ZFPM2: variants seen among roughly 807,000 people sequenced by gnomAD.
ZFPM2 encodes the protein zinc finger protein ZFPM2.
A neutral mutation model predicts 98.6 loss-of-function variants in ZFPM2; 20 were observed. The ratio of observed to expected loss-of-function variants is 0.20; its 90% CI spans 0.14 to 0.29. The LOEUF (loss-of-function observed/expected upper bound fraction) is 0.29, where lower values mean the gene tolerates loss of function less well. Ranked by LOEUF, ZFPM2 falls within the 10% of genes least tolerant of loss-of-function variation. ZFPM2 has a pLI of 1.00. For synonymous variants in ZFPM2, 518 were observed against 502.7 expected, an observed-to-expected ratio of 1.03 and a Z score of -0.41; for missense variants, 1,310 against 1,388.6, an observed-to-expected ratio of 0.94 and a Z score of 0.90.
intron 5 of ZFPM2, among the ~76,000 whole-genome samples, chr8:105,764,339 CTCAAAA>C (rs1812810501): frequency 6.7e-6 from 1 of 149,994 alleles, no homozygotes; most frequent in Non-Finnish European, 1.5e-5. Flanking sequence ...TTTGGAAATA[CTCAAAA>C]TCAAATTATT....
chr8:105,590,756 GCGCA>G (rs1023252592), intron 4 of ZFPM2, among the ~76,000 whole-genome samples: 4 of 143,360 alleles, frequency 2.8e-5, no homozygotes, highest in African/African-American at 1.0e-4. Context: ...GTGCATACGT[GCGCA>G]CGCACACACA....
At chr8:105,330,538 C>CTCTCTATA (rs1554594944) in intron 1 of ZFPM2, among the ~76,000 whole-genome samples, 2 of 100,128 alleles carry the variant, frequency 2.0e-5, no homozygotes, top group African/African-American at 7.9e-5. Context: ...CTCTCTCTCT[C>CTCTCTATA]TATATATATA....
chr8:105,704,576 G>T (rs1442334), intron 5 of ZFPM2, among the ~76,000 whole-genome samples: 13,396 of 152,168 alleles, frequency 0.088, 917 homozygotes, highest in African/African-American at 0.19. Context: ...ATATGTGGGC[G>T]ATTCAAGCTA....
intron 5 of ZFPM2, among the ~76,000 whole-genome samples, chr8:105,765,533 A>AAT: frequency 6.6e-6 from 1 of 151,938 alleles, no homozygotes; most frequent in East Asian, 1.9e-4. Flanking sequence ...TTCTCTAATG[A>AAT]AGCTTGTATG....
chr8:105,500,669 G>A (rs1386060410), intron 3 of ZFPM2, among the ~76,000 whole-genome samples: 3 of 151,996 alleles, frequency 2.0e-5, no homozygotes, highest in Non-Finnish European at 4.4e-5. Context: ...TAGTATTGAA[G>A]AAAATACTAT....
chr8:105,357,137 T>A (rs568359107), intron 1 of ZFPM2, among the ~76,000 whole-genome samples: 1 of 152,270 alleles, frequency 6.6e-6, no homozygotes, highest in Non-Finnish European at 1.5e-5. Context: ...CACACACACG[T>A]GAGTCCCTGC....
chr8:105,643,156 C>A (rs1816978877), intron 5 of ZFPM2, among the ~76,000 whole-genome samples: 1 of 152,108 alleles, frequency 6.6e-6, no homozygotes, highest in Non-Finnish European at 1.5e-5. Flanking sequence ...AGCATAGGTC[C>A]ATCCATTAAC....
chr8:105,654,886 C>T lies in ZFPM2; in HGVS notation c.532+20529C>T, dbSNP rs186218009. Among the ~76,000 whole-genome samples the T allele has an allele frequency of 7.0e-4, 106 of 152,270 alleles. 1 individual carries two copies. Among genetic ancestry groups the T allele is most frequent in the Middle Eastern group, 3.4e-3 (1 of 294 alleles). ...AAAGAAAATCAGAAAATATTTTCTT[C>T]ACCCCATTAAATAAAGTCCTCTGAT... On this transcript the variant is annotated intron_variant, in intron 5 of 7. Transcript: ENST00000407775.
intron 1 of ZFPM2, among the ~76,000 whole-genome samples, chr8:105,370,796 G>C (rs771888733): frequency 6.6e-6 from 1 of 152,234 alleles, no homozygotes; most frequent in Non-Finnish European, 1.5e-5. Context: ...ACAAGGCAGA[G>C]AAAGGTGAAG....
At chr8:105,710,869 C>T (rs752407625) in intron 5 of ZFPM2, among the ~76,000 whole-genome samples, 9 of 152,050 alleles carry the variant, frequency 5.9e-5, no homozygotes, top group Admixed American at 3.3e-4. Flanking sequence ...GTAACTTATT[C>T]GTAAGGTCAT....
intron 5 of ZFPM2, among the ~76,000 whole-genome samples, chr8:105,765,279 T>C (rs1344642412): frequency 6.6e-6 from 1 of 151,816 alleles, no homozygotes; most frequent in Non-Finnish European, 1.5e-5. Flanking sequence ...AGTTTTAATC[T>C]AGTACGTAAA....
intron 3 of ZFPM2, among the ~76,000 whole-genome samples, chr8:105,489,522 G>A (rs1391047734): frequency 1.4e-5 from 2 of 143,330 alleles, no homozygotes; most frequent in Middle Eastern, 4.0e-3. Context: ...AGAGTGCAGT[G>A]GCATGATCTC....
At chr8:105,732,189 A>G (rs1164347710) in intron 5 of ZFPM2, among the ~76,000 whole-genome samples, 4 of 151,770 alleles carry the variant, frequency 2.6e-5, no homozygotes, top group Admixed American at 6.6e-5. Context: ...TCATATTCCT[A>G]TGCATACGTT....
chr8:105,440,948 G>A (rs554360572), intron 2 of ZFPM2, among the ~76,000 whole-genome samples: 8 of 151,906 alleles, frequency 5.3e-5, no homozygotes, highest in African/African-American at 1.4e-4. Flanking sequence ...TCAAGAGATC[G>A]CGACCATCCT....
intron 5 of ZFPM2, among the ~76,000 whole-genome samples, chr8:105,639,934 A>G (rs1816919538): frequency 6.6e-6 from 1 of 152,010 alleles, no homozygotes; most frequent in Non-Finnish European, 1.5e-5. Flanking sequence ...CTTTTATTTT[A>G]GTGAAAGTCT....
chr8:105,563,757 G>A (rs1223665522), intron 4 of ZFPM2, among the ~76,000 whole-genome samples: 2 of 152,040 alleles, frequency 1.3e-5, no homozygotes, highest in Non-Finnish European at 2.9e-5. Flanking sequence ...TTCTAGCATT[G>A]CTTACTAAAC....
At chr8:105,745,141 T>A (rs1336219237) in intron 5 of ZFPM2, among the ~76,000 whole-genome samples, 2 of 152,142 alleles carry the variant, frequency 1.3e-5, no homozygotes, top group East Asian at 3.9e-4. Flanking sequence ...ATGCAAACTG[T>A]ATTACAGTAT....
intron 1 of ZFPM2, among the ~76,000 whole-genome samples, chr8:105,344,420 T>G (rs1812480434): frequency 6.6e-6 from 1 of 152,200 alleles, no homozygotes; most frequent in African/African-American, 2.4e-5. Context: ...CTGCTAATTC[T>G]TCCCACTTTG....
chr8:105,378,025 G>C (rs1408061782), intron 1 of ZFPM2, among the ~76,000 whole-genome samples: 3 of 152,154 alleles, frequency 2.0e-5, no homozygotes, highest in Non-Finnish European at 4.4e-5. Flanking sequence ...GATGTGAAAA[G>C]AAGAGGATTC....
Sources: gnomAD v4.1 joint callset for allele counts (sites outside exome capture counted in the v4.1 genomes callset) on GRCh38, gnomAD v4.1.1 for gene constraint, MANE v1.5 for transcripts, NCBI Gene and HGNC (gene_info 2026-07-23, HGNC 2026-07-21) for gene names.